Variants in KIF13A observed in about 807,000 individuals in gnomAD.
KIF13A encodes the protein kinesin family member 13A, also known as kinesin-like protein KIF13A.
KIF13A carries 79 observed loss-of-function variants against 212.2 expected under a neutral mutation model. The observed-to-expected ratio is 0.37, with a 90% confidence interval of 0.31 to 0.45. KIF13A has a LOEUF of 0.45. Among genes scored for constraint, KIF13A ranks in the 20% least tolerant of loss-of-function variants. The pLI, the probability that KIF13A is intolerant of heterozygous loss-of-function variation, is 1.00. For synonymous variants in KIF13A, 789 were observed against 808.6 expected, an observed-to-expected ratio of 0.98 and a Z score of 0.41; for missense variants, 1,901 against 2,209.0, an observed-to-expected ratio of 0.86 and a Z score of 2.79.
rs1772327677 is a variant in KIF13A at position 17,894,010 on chromosome 6, T to C, written c.159+4158A>G. Among the ~76,000 whole-genome samples the C allele has an allele frequency of 2.0e-5, 3 of 151,944 alleles. No individual in the cohort carries two copies. The South Asian group carries it at 6.2e-4, about 32-fold the overall frequency. On this transcript the variant is annotated intron_variant, in intron 3 of 38. Transcript: ENST00000259711. ...GTGTGCCACCACACCCGGCTAATTT[T>C]TGTATTTTCAGTAAAGACAGGGTTT...
At chr6:17,880,458 C>T (rs1770953568) in intron 3 of KIF13A, among the ~76,000 whole-genome samples, 1 of 151,812 alleles carries the variant, frequency 6.6e-6, no homozygotes, top group Non-Finnish European at 1.5e-5. Flanking sequence ...GAAACCCCAT[C>T]TCTACTAAAG....
chr6:17,985,648 G>T (rs1271273751), intron 2 of KIF13A, among the ~76,000 whole-genome samples: 1 of 92,076 alleles, frequency 1.1e-5, no homozygotes, highest in African/African-American at 4.6e-5. Flanking sequence ...GGTGGGGGGA[G>T]GGGACATTCG....
chr6:17,806,547 T>C (rs1194800371), intron 18 of KIF13A, among the ~76,000 whole-genome samples: 2 of 152,228 alleles, frequency 1.3e-5, no homozygotes, highest in Non-Finnish European at 2.9e-5. Context: ...TTTCTTACTT[T>C]TTTTAAATTT....
At chr6:17,865,773 A>T (rs1391503528) in intron 4 of KIF13A, among the ~76,000 whole-genome samples, 3 of 152,202 alleles carry the variant, frequency 2.0e-5, no homozygotes, top group African/African-American at 4.8e-5. Context: ...TGGTAAGAAG[A>T]TCCCAAGAAA....
intron 29 of KIF13A, 139 bp from the exon 30 acceptor site, chr6:17,781,440 C>T (rs1760568727): frequency 2.4e-6 from 2 of 846,218 alleles, no homozygotes; most frequent in East Asian, 2.9e-5. Context: ...CCTTATTCTG[C>T]AGTTGAAATA....
At chr6:17,819,041 C>T (rs1354253997) in intron 16 of KIF13A, among the ~76,000 whole-genome samples, 1 of 147,530 alleles carries the variant, frequency 6.8e-6, no homozygotes, top group Admixed American at 6.8e-5. Flanking sequence ...GCTCTGTTGC[C>T]CGGGCTGGAG....
chr6:17,801,767 G>C (rs1369803634), intron 20 of KIF13A, among the ~76,000 whole-genome samples: 2 of 152,154 alleles, frequency 1.3e-5, no homozygotes, highest in African/African-American at 2.4e-5. Context: ...CTGGGAGCAG[G>C]ATGAAGGAGG....
At chr6:17,965,072 G>A (rs1042200542) in intron 2 of KIF13A, among the ~76,000 whole-genome samples, 2 of 152,034 alleles carry the variant, frequency 1.3e-5, no homozygotes, top group Non-Finnish European at 2.9e-5. Context: ...CAAGTGATCT[G>A]CCCACCTTGG....
downstream of KIF13A, among the ~76,000 whole-genome samples, chr6:17,761,509 G>A (rs538260039): frequency 1.8e-4 from 27 of 151,956 alleles, no homozygotes; most frequent in African/African-American, 5.8e-4. Flanking sequence ...TCAGCCTCCC[G>A]AGTAGCTGGG....
intron 2 of KIF13A, among the ~76,000 whole-genome samples, chr6:17,943,432 G>A (rs1777119504): frequency 2.2e-5 from 3 of 136,038 alleles, no homozygotes; most frequent in Non-Finnish European, 3.1e-5. Context: ...ATTTTTAGTA[G>A]AGACAGGGTT....
rs769740782 is a variant in KIF13A, at chr6:17,785,504, G to A, written c.3488+11C>T. ...CTCCCCAGGTCTGCACAGAAGGGAG[G>A]GCAGCCTTACCAGTCGGCAGGTGCC... On this transcript the variant is annotated intron_variant, in intron 28 of 38. Transcript: ENST00000259711. This position sits in a 1 kb window ranked among gnomAD's most constrained non-coding sequence, Gnocchi z 5.8. 1.9e-5 allele frequency: 29 copies of A among 1,550,200 alleles called. No individual in the cohort carries two copies. The South Asian group carries it at 3.5e-4, about 19-fold the overall frequency.
rs976101936 is a variant in KIF13A, at chr6:17,768,664, T to C, written c.4581+2450A>G. Among the ~76,000 whole-genome samples the C allele has an allele frequency of 3.9e-5, 6 of 152,220 alleles. No homozygotes were observed. The highest frequency in any genetic ancestry group is 5.9e-5 in the Non-Finnish European group (4 of 68,036). ...GCTGAGGAATGGGGCTCTTTGGTCT[T>C]ATGCTATCATTAACTGTGAGACCTT... On this transcript the variant is annotated intron_variant, in intron 38 of 38. Coordinates refer to ENST00000259711, the MANE Select transcript of KIF13A (RefSeq NM_022113.6). The surrounding 1 kb of genome is among the most constrained non-coding windows in gnomAD (Gnocchi z 5.4).
intron 20 of KIF13A, among the ~76,000 whole-genome samples, chr6:17,804,064 A>G (rs1165546572): frequency 6.6e-6 from 1 of 152,224 alleles, no homozygotes; most frequent in Non-Finnish European, 1.5e-5. Context: ...AGGCAAGAGA[A>G]TGGCGTGAAC....
intron 17 of KIF13A, among the ~76,000 whole-genome samples, chr6:17,810,689 C>T (rs1024790207): frequency 7.9e-5 from 12 of 152,152 alleles, no homozygotes; most frequent in African/African-American, 2.9e-4. Flanking sequence ...TACAATTAGA[C>T]AGTTCCATCT....
chr6:17,896,358 T>C (rs1177464603), intron 3 of KIF13A, among the ~76,000 whole-genome samples: 2 of 151,878 alleles, frequency 1.3e-5, no homozygotes, highest in African/African-American at 4.8e-5. Context: ...ATGCTTTTGA[T>C]TGCTTATGCC....
intron 2 of KIF13A, chr6:17,950,414 G>A: frequency 1.0e-6 from 1 of 974,712 alleles, no homozygotes; most frequent in Non-Finnish European, 1.2e-6. Flanking sequence ...TGTGCTTTCA[G>A]AAAATGATTT....
rs780131835 is a variant in KIF13A, at chr6:17,776,360, T to C, written c.4170+917A>G. Among the ~76,000 whole-genome samples the C allele has an allele frequency of 1.3e-5, 2 of 152,214 alleles. No individual in the cohort carries two copies. The highest frequency in any genetic ancestry group is 6.5e-5 in the Admixed American group (1 of 15,282). On this transcript the variant is annotated intron_variant, in intron 34 of 38. Coordinates refer to ENST00000259711, the MANE Select transcript of KIF13A (RefSeq NM_022113.6). The surrounding 1 kb of genome is among the most constrained non-coding windows in gnomAD (Gnocchi z 4.6). ...ATTTCTAGGTACCACTTTAGCTGCA[T>C]TGCACAAACACTGATCTATGTATCA...
rs533630685 is a variant in KIF13A, at chr6:17,928,888, G to A, written c.147-30708C>T. Reference sequence around the variant, plus strand: ...AAACCTGAACTTAGAAAGAAAGACTGGTACATAATGGAAATGTATATTTCC... The same window carrying A: ...AAACCTGAACTTAGAAAGAAAGACTAGTACATAATGGAAATGTATATTTCC... On this transcript the variant is annotated intron_variant, in intron 2 of 38. Coordinates refer to ENST00000259711, the MANE Select transcript of KIF13A (RefSeq NM_022113.6). Among the ~76,000 whole-genome samples the A allele has an allele frequency of 2.0e-5, 3 of 151,660 alleles. 1 individual carries two copies. The South Asian group carries it at 6.3e-4, about 32-fold the overall frequency.
At chr6:17,956,170 T>C (rs952362688) in intron 2 of KIF13A, among the ~76,000 whole-genome samples, 3 of 152,136 alleles carry the variant, frequency 2.0e-5, no homozygotes, top group Non-Finnish European at 2.9e-5. Context: ...TCATCCTCAT[T>C]TACAAATGAG....
Sources: allele counts gnomAD v4.1 joint callset (sites outside exome capture counted in the v4.1 genomes callset), GRCh38; gene constraint gnomAD v4.1.1; non-coding constraint Gnocchi (gnomAD v3.1); transcripts MANE v1.5; gene names NCBI Gene and HGNC (gene_info 2026-07-23, HGNC 2026-07-21).